The following TSPAN18 variants were observed in gnomAD, a reference collection of about 807,000 sequenced individuals.
TSPAN18 encodes the protein tetraspanin 18.
TSPAN18 carries 14 observed loss-of-function variants against 27.3 expected under a neutral mutation model. The ratio of observed to expected loss-of-function variants is 0.51; its 90% CI spans 0.34 to 0.80. The LOEUF is 0.80. TSPAN18 is among the 30% of genes least tolerant of loss of function. TSPAN18 has a pLI of 0.01. For missense variants in TSPAN18, 268 were observed against 323.9 expected, an observed-to-expected ratio of 0.83 and a Z score of 1.32; for synonymous variants, 143 against 136.5, an observed-to-expected ratio of 1.05 and a Z score of -0.33.
intron 3 of TSPAN18, among the ~76,000 whole-genome samples, chr11:44,890,362 G>GT (rs1858803621): frequency 6.6e-6 from 1 of 152,220 alleles, no homozygotes; most frequent in African/African-American, 2.4e-5. Context: ...CCACAGTACT[G>GT]TTAGCAGTAC....
chr11:44,778,730 T>C (rs577885652), intron 2 of TSPAN18, among the ~76,000 whole-genome samples: 1 of 152,320 alleles, frequency 6.6e-6, no homozygotes, highest in Admixed American at 6.5e-5. Flanking sequence ...GGTGGGGCCC[T>C]GGGATACACA....
At chr11:44,898,752 T>C (rs1183495322) in intron 3 of TSPAN18, among the ~76,000 whole-genome samples, 1 of 152,250 alleles carries the variant, frequency 6.6e-6, no homozygotes, top group Non-Finnish European at 1.5e-5. Context: ...GATAACCCAT[T>C]AATCCATGAG....
rs375081402 is a variant in TSPAN18, at chr11:44,919,829, G to A, written c.445G>A (p.Gly149Arg). Residue 149 changes from glycine (G) to arginine (R), a missense_variant, in exon 8 of 10, where the codon GGG (glycine) becomes AGG (arginine). By Grantham distance (125) the Gly-to-Arg change is moderately radical. Transcript: ENST00000520358. ...GATCTCCCCCTAGTTTGGTTGCTGC[G>A]GGGTCAACGGGCCTGAAGACTTTAA... The part of the protein sequence containing the change: ...NSVMITFGCC[G>R]VNGPEDFKFA... The A allele has an allele frequency of 3.1e-6, 5 of 1,614,096 alleles. No homozygotes were observed. The East Asian group carries it at 6.7e-5, about 22-fold the overall frequency.
intron 4 of TSPAN18, among the ~76,000 whole-genome samples, chr11:44,908,072 G>A (rs867201340): frequency 0.018 from 1,669 of 92,278 alleles, 37 homozygotes; most frequent in African/African-American, 0.06. Flanking sequence ...AAAAAAAAAG[G>A]AGAGAGACAC....
chr11:44,906,286 T>C, intron 3 of TSPAN18, 121 bp from the exon 4 acceptor site: 1 of 866,962 alleles, frequency 1.2e-6, no homozygotes, highest in South Asian at 1.3e-5. Context: ...ATCATCGGCC[T>C]CCATCTTCTT....
At position 44,919,235 on chromosome 11, in the gene TSPAN18, A is replaced by G. The variant is rs1325247741; in HGVS notation, c.355A>G (p.Lys119Glu). ...RENLTREFFT[K>E]ELTKHYQGNN... The stretch of plus-strand genomic sequence containing the variant: ...CCAGCTCACCCGAGAATTCTTCACC[A>G]AGGAGCTCACCAAGCACTACCAGGG... The change falls in exon 7 of 10, where the codon AAG becomes GAG. Residue 119 changes from lysine (K) to glutamate (E), a missense_variant. By Grantham distance (56) the Lys-to-Glu change is moderately conservative (BLOSUM62 1). Transcript: ENST00000520358. 1 of 1,613,948 alleles carries G rather than the reference A, an allele frequency of 6.2e-7. No individual in the cohort carries two copies. The highest frequency in any genetic ancestry group is 1.3e-5 in the African/African-American group (1 of 74,926).
At chr11:44,745,255 C>G (rs1855044170) in intron 1 of TSPAN18, among the ~76,000 whole-genome samples, 1 of 152,158 alleles carries the variant, frequency 6.6e-6, no homozygotes, top group South Asian at 2.1e-4. Context: ...AGAGGCCATT[C>G]AAGTGATTTT....
chr11:44,814,835 A>G (rs1385239731), intron 2 of TSPAN18, among the ~76,000 whole-genome samples: 3 of 152,250 alleles, frequency 2.0e-5, no homozygotes, highest in Admixed American at 6.5e-5. Flanking sequence ...AACTAAAGAA[A>G]GCAAGTACAT....
At chr11:44,820,208 C>T (rs900717488) in intron 2 of TSPAN18, among the ~76,000 whole-genome samples, 5 of 152,232 alleles carry the variant, frequency 3.3e-5, no homozygotes, top group African/African-American at 9.6e-5. Flanking sequence ...GGTGCCTGCG[C>T]CACACATTCT....
intron 2 of TSPAN18, among the ~76,000 whole-genome samples, chr11:44,770,055 G>C (rs4755891): frequency 0.45 from 67,734 of 152,052 alleles, 16,503 homozygotes; most frequent in Non-Finnish European, 0.54. Flanking sequence ...TCAAATGTGA[G>C]TACACATTCA....
At chr11:44,781,147 T>A (rs1855929338) in intron 2 of TSPAN18, among the ~76,000 whole-genome samples, 1 of 152,174 alleles carries the variant, frequency 6.6e-6, no homozygotes, top group Non-Finnish European at 1.5e-5. Context: ...TGGAGGGCCC[T>A]GGCCAGTCTC....
At chr11:44,765,895 C>T (rs1855557843) in intron 2 of TSPAN18, among the ~76,000 whole-genome samples, 1 of 152,156 alleles carries the variant, frequency 6.6e-6, no homozygotes, top group Admixed American at 6.5e-5. Context: ...TTTCTGATCT[C>T]TAAAATGGGA....
intron 8 of TSPAN18, among the ~76,000 whole-genome samples, chr11:44,922,117 AT>A (rs10659284): frequency 0.5 from 65,554 of 131,054 alleles, 17,660 homozygotes; most frequent in Non-Finnish European, 0.64. Flanking sequence ...CCCAGGATGC[AT>A]TTTTTTTTTT....
At chr11:44,877,323 G>A (rs1275123026) in intron 3 of TSPAN18, among the ~76,000 whole-genome samples, 1 of 152,212 alleles carries the variant, frequency 6.6e-6, no homozygotes, top group Non-Finnish European at 1.5e-5. Context: ...AATGGACATT[G>A]GGTGGGGTTG....
chr11:44,815,601 G>A (rs1856804319), intron 2 of TSPAN18, among the ~76,000 whole-genome samples: 1 of 152,168 alleles, frequency 6.6e-6, no homozygotes, highest in South Asian at 2.1e-4. Flanking sequence ...ACCCTGTGCT[G>A]GGGATTGCTC....
At chr11:44,925,152 C>G (rs946105922) in intron 8 of TSPAN18, among the ~76,000 whole-genome samples, 2 of 152,222 alleles carry the variant, frequency 1.3e-5, no homozygotes, top group South Asian at 4.1e-4. Flanking sequence ...ACCTTTTCTC[C>G]TTGTCATCTC....
chr11:44,869,864 G>A (rs1858144620), intron 3 of TSPAN18, among the ~76,000 whole-genome samples: 1 of 152,108 alleles, frequency 6.6e-6, no homozygotes, highest in African/African-American at 2.4e-5. Flanking sequence ...GGGTGGGTGG[G>A]CAGGCAGCAT....
At chr11:44,867,423 G>C in intron 3 of TSPAN18, among the ~76,000 whole-genome samples, 1 of 95,690 alleles carries the variant, frequency 1.0e-5, no homozygotes, top group African/African-American at 4.1e-5. Flanking sequence ...TTTTCAGACA[G>C]AGTCTCGCTC....
chr11:44,897,743 T>C (rs1163114948), intron 3 of TSPAN18: 16 of 1,285,644 alleles, frequency 1.2e-5, no homozygotes, highest in Admixed American at 2.3e-5. Context: ...TTTTCTCTTA[T>C]TGGACAAGCT....
Sources: gnomAD v4.1 joint callset for allele counts (sites outside exome capture counted in the v4.1 genomes callset) on GRCh38, gnomAD v4.1.1 for gene constraint, MANE v1.5 for transcripts, NCBI Gene and HGNC (gene_info 2026-07-23, HGNC 2026-07-21) for gene names.